BUB1B: variants seen among roughly 807,000 people sequenced by gnomAD.
BUB1B encodes mitotic checkpoint serine/threonine-protein kinase BUB1 beta.
In BUB1B, 86 loss-of-function variants were observed where a neutral mutation model predicts 137.7. The ratio of observed to expected loss-of-function variants is 0.62; its 90% CI spans 0.52 to 0.75. The LOEUF (loss-of-function observed/expected upper bound fraction) is 0.75, where lower values mean the gene tolerates loss of function less well. BUB1B is among the 30% of genes least tolerant of loss of function. The pLI, the probability that BUB1B is intolerant of heterozygous loss-of-function variation, is 0.00. For missense variants in BUB1B, 1,130 were observed against 1,236.9 expected (o/e 0.91, Z 1.30); for synonymous variants, 420 against 417.9 (o/e 1.00, Z -0.06).
At position 40,185,388 on chromosome 15, in the gene BUB1B, T is replaced by C; in HGVS notation, c.966+9T>C. On this transcript the variant is annotated intron_variant, in intron 7 of 22. Coordinates refer to ENST00000287598, the MANE Select transcript of BUB1B (RefSeq NM_001211.6). ...GGTCCTTGGAACACAGGGTAAGGAC[T>C]CTTAGATCCAGTGCTTTGCTGACAC... 6.2e-7 allele frequency: 1 copy of C among 1,613,718 alleles called. No homozygotes were observed. The highest frequency in any genetic ancestry group is 8.5e-7 in the Non-Finnish European group (1 of 1,179,788).
intron 2 of BUB1B, among the ~76,000 whole-genome samples, chr15:40,169,023 G>GCC (rs1249178280): frequency 1.2e-4 from 18 of 151,976 alleles, no homozygotes; most frequent in Non-Finnish European, 2.4e-4. Context: ...TTTCTTATTA[G>GCC]AGTATAAATT....
intron 8 of BUB1B, among the ~76,000 whole-genome samples, chr15:40,187,554 G>A (rs1436377872): frequency 2.0e-5 from 3 of 151,584 alleles, no homozygotes; most frequent in Admixed American, 2.0e-4. Flanking sequence ...TCATGCCACA[G>A]CACTCCAGCC....
intron 15 of BUB1B, 93 bp downstream of exon 15, chr15:40,206,551 T>G: frequency 5.3e-6 from 8 of 1,511,928 alleles, no homozygotes; most frequent in Non-Finnish European, 7.3e-6. Flanking sequence ...ATCAAGTTCT[T>G]ACTAACTGCC....
At chr15:40,203,687 A>G (rs148871796) in intron 14 of BUB1B, among the ~76,000 whole-genome samples, 2 of 152,224 alleles carry the variant, frequency 1.3e-5, no homozygotes, top group South Asian at 2.1e-4. Context: ...ATGTGGGCCA[A>G]TCATTTTTCT....
chr15:40,208,542 A>G, intron 15 of BUB1B, 95 bp from the exon 16 acceptor site: 1 of 1,341,216 alleles, frequency 7.5e-7, no homozygotes, highest in Non-Finnish European at 1.0e-6. Flanking sequence ...CCATCTCAAA[A>G]AAAAGAAAAA....
chr15:40,208,726 G>A lies in BUB1B; in HGVS notation c.2099G>A (p.Cys700Tyr), dbSNP rs2037669583. 2 of 1,613,612 alleles carry A rather than the reference G, an allele frequency of 1.2e-6. No individual in the cohort carries two copies. The highest frequency in any genetic ancestry group is 1.7e-6 in the Non-Finnish European group (2 of 1,179,560). The change falls in exon 16 of 23, where the codon TGT (cysteine) becomes TAT (tyrosine). Residue 700 changes from cysteine (C) to tyrosine (Y), a missense_variant. By Grantham distance (194) the Cys-to-Tyr change is radical (BLOSUM62 -2). Transcript: ENST00000287598. ...GTTGCAAGCACCTCCTCCATCAAATGTCTTCAAATTCCTGAGAAACTAGAA... is the reference window on the plus strand; with the variant it reads ...GTTGCAAGCACCTCCTCCATCAAATATCTTCAAATTCCTGAGAAACTAGAA... ...ASVASTSSIK[C>Y]LQIPEKLELT...
At chr15:40,190,895 T>TG (rs2037428346) in intron 8 of BUB1B, among the ~76,000 whole-genome samples, 1 of 151,850 alleles carries the variant, frequency 6.6e-6, no homozygotes, top group East Asian at 1.9e-4. Flanking sequence ...GTAATTTTTT[T>TG]TTTTTTTTTT....
chr15:40,199,508 C>A (rs1231189812), intron 9 of BUB1B, 107 bp from the exon 10 acceptor site: 2 of 804,274 alleles, frequency 2.5e-6, no homozygotes, highest in South Asian at 1.5e-5. Context: ...AAATCATTTT[C>A]ATCTGTATTA....
At chr15:40,172,162 AAAGT>A (rs767524340) in intron 4 of BUB1B, among the ~76,000 whole-genome samples, 111 of 151,946 alleles carry the variant, frequency 7.3e-4, no homozygotes, top group Non-Finnish European at 1.1e-3. Context: ...TAAAAGTAAT[AAAGT>A]AAGAAATAAA....
chr15:40,213,464 C>T lies in BUB1B; in HGVS notation c.2668C>T (p.Leu890Phe). The T allele has an allele frequency of 6.2e-7, 1 of 1,614,120 alleles. No individual in the cohort carries two copies. The highest frequency in any genetic ancestry group is 8.5e-7 in the Non-Finnish European group (1 of 1,180,008). The part of the protein sequence containing the change: ...HGDLSPRCLI[L>F]RNRIHDPYDC... ...TGACTTGAGTCCAAGGTGTCTGATT[C>T]TCAGAAACAGGTTGGTCCTTTTCAT... Residue 890 changes from leucine (L) to phenylalanine (F), a missense_variant, in exon 20 of 23, where the codon CTC becomes TTC. Coordinates refer to ENST00000287598, the MANE Select transcript of BUB1B (RefSeq NM_001211.6).
chr15:40,216,547 CTATATATA>C (rs763770679), intron 20 of BUB1B, among the ~76,000 whole-genome samples: 9 of 125,528 alleles, frequency 7.2e-5, no homozygotes, highest in South Asian at 2.5e-4. Flanking sequence ...TATATATATA[CTATATATA>C]TATATATATA....
At position 40,212,613 on chromosome 15, in the gene BUB1B, G is replaced by A; in HGVS notation, c.2500G>A (p.Val834Ile). The change falls in exon 19 of 23, where the codon GTT (valine) becomes ATT (isoleucine). Residue 834 changes from valine to isoleucine, a missense_variant. Val to Ile is a conservative substitution (Grantham distance 29, BLOSUM62 3). Transcript: ENST00000287598. ...SCYQYQDGCI[V>I]WHQYINCFTL... ...TTATCAATATCAAGATGGCTGTATT[G>A]TTTGGCACCAATATATAAACTGCTT... 1 of 1,613,584 alleles carries A rather than the reference G, an allele frequency of 6.2e-7. No individual in the cohort carries two copies. Among genetic ancestry groups the A allele is most frequent in the Non-Finnish European group, 8.5e-7 (1 of 1,179,820 alleles).
intron 18 of BUB1B, among the ~76,000 whole-genome samples, chr15:40,211,044 C>T (rs955318181): frequency 6.6e-6 from 1 of 152,128 alleles, no homozygotes; most frequent in Non-Finnish European, 1.5e-5. Flanking sequence ...TCTCTGTTCT[C>T]TTATTCTCTA....
intron 10 of BUB1B, 116 bp downstream of exon 10, chr15:40,199,843 T>G: frequency 1.2e-6 from 1 of 825,990 alleles, no homozygotes; most frequent in Non-Finnish European, 2.0e-6. Flanking sequence ...TGGTAGTTTC[T>G]TAGCTGTTAG....
At chr15:40,175,568 A>G (rs1272121210) in intron 4 of BUB1B, among the ~76,000 whole-genome samples, 1 of 152,174 alleles carries the variant, frequency 6.6e-6, no homozygotes, top group East Asian at 1.9e-4. Flanking sequence ...ATTTATCAAA[A>G]TGTTTGTGAT....
intron 2 of BUB1B, among the ~76,000 whole-genome samples, chr15:40,168,288 A>G (rs546177058): frequency 5.7e-4 from 87 of 152,140 alleles, no homozygotes; most frequent in African/African-American, 2.1e-3. Context: ...AATCACTTGA[A>G]CCTAGGAGGT....
At chr15:40,196,176 G>T (rs1236944707) in intron 8 of BUB1B, among the ~76,000 whole-genome samples, 2 of 152,136 alleles carry the variant, frequency 1.3e-5, no homozygotes, top group Non-Finnish European at 2.9e-5. Context: ...GGTGAGAGAG[G>T]AGGATCTAGT....
chr15:40,189,907 G>C (rs1409294626), intron 8 of BUB1B, among the ~76,000 whole-genome samples: 1 of 152,224 alleles, frequency 6.6e-6, no homozygotes, highest in Non-Finnish European at 1.5e-5. Context: ...TTCTAACAGA[G>C]ATGTGAAGTG....
chr15:40,193,631 G>A (rs557405951), intron 8 of BUB1B, among the ~76,000 whole-genome samples: 13 of 151,592 alleles, frequency 8.6e-5, no homozygotes, highest in African/African-American at 1.7e-4. Flanking sequence ...GGTCTCAGCC[G>A]GGCGTGGTGG....
Sources: gnomAD v4.1 joint callset for allele counts (sites outside exome capture counted in the v4.1 genomes callset) on GRCh38, gnomAD v4.1.1 for gene constraint, MANE v1.5 for transcripts, NCBI Gene and HGNC (gene_info 2026-07-23, HGNC 2026-07-21) for gene names.